Variants in PABPC4L observed in about 807,000 individuals in gnomAD.
PABPC4L encodes polyadenylate-binding protein 4-like.
For synonymous variants in PABPC4L, 169 were observed against 164.1 expected (o/e 1.03, Z -0.23); for missense variants, 452 against 451.4 (o/e 1.00, Z -0.01).
chr4:134,057,230 A>C, the PABPC4L span, among the ~76,000 whole-genome samples: 1 of 152,066 alleles, frequency 6.6e-6, no homozygotes, highest in Non-Finnish European at 1.5e-5. Context: ...TAGTCAGAGA[A>C]GCCTCTGAGC....
At chr4:134,041,569 G>A in the PABPC4L span, among the ~76,000 whole-genome samples, 1 of 152,084 alleles carries the variant, frequency 6.6e-6, no homozygotes, top group African/African-American at 2.4e-5. Context: ...ACACACTGGG[G>A]CCTGTCAGGG....
At chr4:133,977,719 C>G in the PABPC4L span, among the ~76,000 whole-genome samples, 27,132 of 152,060 alleles carry the variant, frequency 0.18, 3,047 homozygotes, top group Middle Eastern at 0.25. Flanking sequence ...TGGTGTCACT[C>G]TTAAAAATTT....
chr4:134,098,565 G>C, the PABPC4L span, among the ~76,000 whole-genome samples: 1 of 151,670 alleles, frequency 6.6e-6, no homozygotes, highest in East Asian at 1.9e-4. Context: ...ATTCCAAATG[G>C]AATTGTCAAG....
Position 134,201,141 on chromosome 4 carries a change from G to C in PABPC4L, c.-122C>G. ...GGAGGCCTCGGGATCACCACACAAA[G>C]GCCAAGCAATGGAGTTCAGACACGA... is the stretch of plus-strand genomic sequence containing the variant. On this transcript the variant is annotated 5_prime_UTR_variant, in exon 2 of 2. Transcript: ENST00000421491. The C allele has an allele frequency of 1.9e-6, 3 of 1,550,094 alleles. No individual in the cohort carries two copies. Among genetic ancestry groups the C allele is most frequent in the Non-Finnish European group, 1.7e-6 (2 of 1,146,748 alleles).
At chr4:133,965,859 A>G in the PABPC4L span, among the ~76,000 whole-genome samples, 1 of 152,212 alleles carries the variant, frequency 6.6e-6, no homozygotes, top group Non-Finnish European at 1.5e-5. Flanking sequence ...TTGAAACCAT[A>G]AAAATTCTAC....
chr4:134,030,810 T>G, the PABPC4L span, among the ~76,000 whole-genome samples: 1 of 152,086 alleles, frequency 6.6e-6, no homozygotes, highest in Admixed American at 6.6e-5. Flanking sequence ...ATTAATAATA[T>G]AAATATACCA....
the PABPC4L span, among the ~76,000 whole-genome samples, chr4:133,999,672 G>C: frequency 1.4e-4 from 21 of 151,990 alleles, no homozygotes; most frequent in South Asian, 4.4e-3. Flanking sequence ...TTTAGTGCAG[G>C]AATACAAGGG....
At chr4:134,162,551 T>C in the PABPC4L span, among the ~76,000 whole-genome samples, 5 of 152,210 alleles carry the variant, frequency 3.3e-5, no homozygotes, top group Non-Finnish European at 5.9e-5. Flanking sequence ...ACTCTAGAAC[T>C]GCAGAATGTA....
chr4:134,147,007 C>T, the PABPC4L span, among the ~76,000 whole-genome samples: 6 of 152,158 alleles, frequency 3.9e-5, no homozygotes, highest in Non-Finnish European at 8.8e-5. Flanking sequence ...TATCAAAAGC[C>T]AGAAACATGT....
At chr4:134,000,716 G>A in the PABPC4L span, among the ~76,000 whole-genome samples, 45 of 152,210 alleles carry the variant, frequency 3.0e-4, no homozygotes, top group African/African-American at 1.1e-3. Flanking sequence ...CATTGAGGAC[G>A]TGACTAGAAC....
rs1729720647 is a variant in PABPC4L, at chr4:134,198,058, C to T, written c.*1849G>A. On this transcript the variant is annotated 3_prime_UTR_variant, in exon 2 of 2. Transcript: ENST00000421491. ...AAAAAAGGAAGAAATTATCTAGCAACAAGAAGTTTATCAATAAGAAATTAG... is the reference window on the plus strand; with the variant it reads ...AAAAAAGGAAGAAATTATCTAGCAATAAGAAGTTTATCAATAAGAAATTAG... 1 of 151,592 alleles carries T rather than the reference C, an allele frequency of 6.6e-6. No individual in the cohort carries two copies. Among genetic ancestry groups the T allele is most frequent in the South Asian group, 2.1e-4 (1 of 4,824 alleles). The allele number at this position is 151,592 out of a possible 1,614,324, so 9.4% of individuals were successfully genotyped here.
At chr4:134,074,522 C>T in the PABPC4L span, among the ~76,000 whole-genome samples, 1 of 152,196 alleles carries the variant, frequency 6.6e-6, no homozygotes, top group African/African-American at 2.4e-5. Flanking sequence ...ACTGTCCTAA[C>T]CTCTGCCTGT....
chr4:134,134,207 A>G, the PABPC4L span, among the ~76,000 whole-genome samples: 1 of 152,032 alleles, frequency 6.6e-6, no homozygotes, highest in Non-Finnish European at 1.5e-5. Flanking sequence ...TCCAGGTAAC[A>G]ATATGAGTTT....
chr4:134,142,084 T>C, the PABPC4L span, among the ~76,000 whole-genome samples: 1 of 151,644 alleles, frequency 6.6e-6, no homozygotes, highest in Non-Finnish European at 1.5e-5. Flanking sequence ...AATAGTGAGA[T>C]GTAAATGAGA....
the PABPC4L span, among the ~76,000 whole-genome samples, chr4:133,980,117 A>G: frequency 6.6e-6 from 1 of 152,146 alleles, no homozygotes; most frequent in African/African-American, 2.4e-5. Context: ...AAATACATAT[A>G]TTTTATAATT....
chr4:134,084,075 G>T, the PABPC4L span, among the ~76,000 whole-genome samples: 1 of 152,052 alleles, frequency 6.6e-6, no homozygotes, highest in African/African-American at 2.4e-5. Context: ...TTGAGACAGG[G>T]TCTTGCTCTG....
chr4:133,974,417 A>T, the PABPC4L span, among the ~76,000 whole-genome samples: 51 of 152,278 alleles, frequency 3.3e-4, no homozygotes, highest in African/African-American at 1.1e-3. Context: ...TGAAATCCTT[A>T]GAAGAAAACA....
the PABPC4L span, among the ~76,000 whole-genome samples, chr4:134,155,194 C>T: frequency 8.6e-5 from 13 of 151,876 alleles, no homozygotes; most frequent in Admixed American, 2.0e-4. Flanking sequence ...TTTAATTTGA[C>T]GGGCCTGAAA....
chr4:134,079,605 A>C, the PABPC4L span, among the ~76,000 whole-genome samples: 1 of 116,928 alleles, frequency 8.6e-6, no homozygotes, highest in Non-Finnish European at 1.8e-5. Flanking sequence ...AAAAAAAAAA[A>C]AAAAAACTGT....
Sources: allele counts gnomAD v4.1 joint callset (sites outside exome capture counted in the v4.1 genomes callset), GRCh38; gene constraint gnomAD v4.1.1; transcripts MANE v1.5; gene names NCBI Gene and HGNC (gene_info 2026-07-23, HGNC 2026-07-21).